TRPM1: variants seen among roughly 807,000 people sequenced by gnomAD.
TRPM1 encodes the protein transient receptor potential cation channel subfamily M member 1.
In TRPM1, 113 loss-of-function variants were observed where a neutral mutation model predicts 149.4. The observed-to-expected ratio is 0.76, with a 90% CI of 0.65 to 0.88. TRPM1 has a LOEUF of 0.88. TRPM1 is among the 40% of genes least tolerant of loss of function. The probability of loss-of-function intolerance (pLI) is 0.00; values close to 1 mark genes in which losing one functional copy is unlikely to be tolerated. For synonymous variants in TRPM1, 741 were observed against 759.5 expected, an observed-to-expected ratio of 0.98 and a Z score of 0.40; for missense variants, 1,976 against 2,038.7, an observed-to-expected ratio of 0.97 and a Z score of 0.59.
chr15:31,061,507 A>G lies in TRPM1; in HGVS notation c.1097T>C (p.Val366Ala), dbSNP rs1184328932. 6.2e-7 allele frequency: 1 copy of G among 1,614,098 alleles called. No homozygotes were observed. Among genetic ancestry groups the G allele is most frequent in the Non-Finnish European group, 8.5e-7 (1 of 1,179,980 alleles). The part of the protein sequence containing the change: ...ECMKKKELVT[V>A]FRMGSEGQQD... ...CTGGCCCTCAGAACCCATTCTGAACACAGTGACCTGAAAATGTGAAAAGAC... is the reference window on the plus strand; with the variant it reads ...CTGGCCCTCAGAACCCATTCTGAACGCAGTGACCTGAAAATGTGAAAAGAC... The change falls in exon 10 of 28, where the codon GTG becomes GCG. Residue 366 changes from valine to alanine, a missense_variant. Val to Ala is a moderately conservative substitution (Grantham distance 64). Coordinates refer to ENST00000256552, the MANE Select transcript of TRPM1 (RefSeq NM_001252024.2).
intron 21 of TRPM1, among the ~76,000 whole-genome samples, chr15:31,034,337 T>G (rs775297390): frequency 2.0e-5 from 3 of 152,228 alleles, no homozygotes; most frequent in Non-Finnish European, 4.4e-5. Context: ...TCCCTCTGTT[T>G]GCAGCAAACG....
At chr15:31,100,536 T>G (rs1233891459) in intron 1 of TRPM1, among the ~76,000 whole-genome samples, 4 of 152,044 alleles carry the variant, frequency 2.6e-5, no homozygotes, top group African/African-American at 9.7e-5. Context: ...AAGATATATT[T>G]TCTGGGAAAA....
Position 31,040,462 on chromosome 15 carries a change from G to A in TRPM1, c.2088-116C>T, listed in dbSNP as rs1366326818. 21 of 843,134 alleles carry A rather than the reference G, an allele frequency of 2.5e-5. No homozygotes were observed. The highest frequency in any genetic ancestry group is 3.7e-5 in the Non-Finnish European group (19 of 511,446). 52.2% of individuals were successfully genotyped at this position (843,134 alleles called of 1,614,324 possible). On this transcript the variant is annotated intron_variant, in intron 17 of 27. Coordinates refer to ENST00000256552, the MANE Select transcript of TRPM1 (RefSeq NM_001252024.2). This position sits in a 1 kb window ranked among gnomAD's most constrained non-coding sequence, Gnocchi z 4.2. Reference sequence around the variant, plus strand: ...CGGGACACAGTATCCTTCACTGGAGGGGCTCTGAGGTTCTCTGCAAGCAAG... The same window carrying A: ...CGGGACACAGTATCCTTCACTGGAGAGGCTCTGAGGTTCTCTGCAAGCAAG...
rs2031758461 is a variant in TRPM1 at position 31,001,430 on chromosome 15, A to T, written c.*392T>A. The stretch of plus-strand genomic sequence containing the variant: ...CTATCTTTCTGCCTTGGCCTCCCAA[A>T]GTGCTAGGATTACAGGCATGAGCCA... On this transcript the variant is annotated 3_prime_UTR_variant, in exon 28 of 28. Coordinates refer to ENST00000256552, the MANE Select transcript of TRPM1 (RefSeq NM_001252024.2). 5.3e-6 allele frequency: 1 copy of T among 190,076 alleles called. No individual in the cohort carries two copies. The highest frequency in any genetic ancestry group is 2.4e-5 in the African/African-American group (1 of 41,860). The allele number at this position is 190,076 out of a possible 1,614,324, so 11.8% of individuals were successfully genotyped here. A position where few individuals can be genotyped will look rare whatever the true frequency, so the allele number is the denominator to read the frequency against.
chr15:31,113,233 T>C (rs2338861), intron 1 of TRPM1, among the ~76,000 whole-genome samples: 92,964 of 151,544 alleles, frequency 0.61, 28,656 homozygotes, highest in East Asian at 0.74. Context: ...CCCAGCCAAA[T>C]CAACAAGAAA....
chr15:31,125,729 CAAAAAAAA>C (rs59878175), intron 1 of TRPM1, among the ~76,000 whole-genome samples: 11 of 52,758 alleles, frequency 2.1e-4, no homozygotes, highest in South Asian at 9.1e-4. Flanking sequence ...GACTCCGTCT[CAAAAAAAA>C]AAAAAAAAAA....
At chr15:31,053,084 C>T (rs957288352) in intron 11 of TRPM1, among the ~76,000 whole-genome samples, 1 of 152,132 alleles carries the variant, frequency 6.6e-6, no homozygotes, top group African/African-American at 2.4e-5. Flanking sequence ...GAAAACCCAA[C>T]CTGATTCAAA....
chr15:31,123,244 A>G (rs934861237), intron 1 of TRPM1, among the ~76,000 whole-genome samples: 5 of 152,238 alleles, frequency 3.3e-5, no homozygotes, highest in Non-Finnish European at 2.9e-5. Context: ...AGAAGATATC[A>G]TAGGAGAAAA....
At chr15:31,076,141 T>C (rs2034683852) in intron 3 of TRPM1, among the ~76,000 whole-genome samples, 1 of 152,004 alleles carries the variant, frequency 6.6e-6, no homozygotes. Flanking sequence ...GGGCAATCAC[T>C]GGGGTTTAAG....
At chr15:31,052,196 A>G (rs1239340001) in intron 11 of TRPM1, among the ~76,000 whole-genome samples, 1 of 152,226 alleles carries the variant, frequency 6.6e-6, no homozygotes, top group East Asian at 1.9e-4. Context: ...TCTCCTGCTT[A>G]AAACCCTTAA....
Position 31,066,336 on chromosome 15 carries a change from G to C in TRPM1, c.619-89C>G, listed in dbSNP as rs562704259. 6 of 1,429,268 alleles carry C rather than the reference G, an allele frequency of 4.2e-6. No individual in the cohort carries two copies. The South Asian group carries it at 7.0e-5, about 17-fold the overall frequency. 88.5% of individuals were successfully genotyped at this position (1,429,268 alleles called of 1,614,324 possible). A position where few individuals can be genotyped will look rare whatever the true frequency, so the allele number is the denominator to read the frequency against. ...CAAGCACAATACATATGTGTGGAGT[G>C]ACTGCACTAAAACTTATTCTCACAT... On this transcript the variant is annotated intron_variant, in intron 6 of 27. Transcript: ENST00000256552.
chr15:31,049,289 G>T, intron 13 of TRPM1, 86 bp downstream of exon 13: 1 of 1,596,692 alleles, frequency 6.3e-7, no homozygotes, highest in South Asian at 1.1e-5. Context: ...GAGGTCAGAT[G>T]AGCACATTTA....
At chr15:31,065,365 G>T (rs187408727) in intron 7 of TRPM1, among the ~76,000 whole-genome samples, 16 of 152,256 alleles carry the variant, frequency 1.1e-4, no homozygotes, top group Middle Eastern at 3.4e-3. Context: ...CAAAAATCTT[G>T]CCAGTAATGG....
chr15:31,016,987 A>G (rs946685653), intron 27 of TRPM1, among the ~76,000 whole-genome samples: 1 of 84,954 alleles, frequency 1.2e-5, no homozygotes, highest in Non-Finnish European at 2.4e-5. Flanking sequence ...ACACACACAC[A>G]CAAAAAAAAA....
intron 7 of TRPM1, among the ~76,000 whole-genome samples, chr15:31,063,602 G>A (rs1471427157): frequency 6.6e-6 from 1 of 151,844 alleles, no homozygotes; most frequent in Admixed American, 6.6e-5. Flanking sequence ...CTGGGACTAT[G>A]GGCACATGCC....
intron 27 of TRPM1, among the ~76,000 whole-genome samples, 171 bp downstream of exon 27, chr15:31,025,968 C>T (rs1339510725): frequency 1.3e-5 from 2 of 152,376 alleles, no homozygotes; most frequent in Non-Finnish European, 2.9e-5. Context: ...ACAGTTATTA[C>T]CTAGTAACTT....
intron 1 of TRPM1, among the ~76,000 whole-genome samples, chr15:31,151,420 C>T (rs551628938): frequency 6.6e-6 from 1 of 152,346 alleles, no homozygotes; most frequent in East Asian, 1.9e-4. Context: ...CTGCCTTCTG[C>T]CCAGCACCCA....
chr15:31,094,505 T>A (rs763950051), intron 1 of TRPM1, among the ~76,000 whole-genome samples: 18 of 152,234 alleles, frequency 1.2e-4, no homozygotes, highest in Non-Finnish European at 2.2e-4. Context: ...ATAAAAGAAC[T>A]CTTCCAACTC....
At chr15:31,126,896 G>A (rs1349197531) in intron 1 of TRPM1, among the ~76,000 whole-genome samples, 1 of 152,158 alleles carries the variant, frequency 6.6e-6, no homozygotes, top group Non-Finnish European at 1.5e-5. Flanking sequence ...GAACCCGGGA[G>A]GTGGAGGTTG....
Sources: allele counts gnomAD v4.1 joint callset (sites outside exome capture counted in the v4.1 genomes callset), GRCh38; gene constraint gnomAD v4.1.1; non-coding constraint Gnocchi (gnomAD v3.1); transcripts MANE v1.5; gene names NCBI Gene and HGNC (gene_info 2026-07-23, HGNC 2026-07-21).